The following HSPA4L variants were observed in gnomAD, a reference collection of about 807,000 sequenced individuals.
HSPA4L encodes heat shock 70 kDa protein 4L.
A neutral mutation model predicts 100.3 loss-of-function variants in HSPA4L; 48 were observed. The ratio of observed to expected loss-of-function variants is 0.48; its 90% CI spans 0.38 to 0.61. HSPA4L has a LOEUF of 0.61. Ranked by LOEUF, HSPA4L falls within the 20% of genes least tolerant of loss-of-function variation. The pLI is 0.00. For synonymous variants in HSPA4L, 319 were observed against 328.2 expected, an observed-to-expected ratio of 0.97 and a Z score of 0.30; for missense variants, 886 against 988.6, an observed-to-expected ratio of 0.90 and a Z score of 1.39.
At chr4:127,788,298 A>T (rs80239391) in intron 1 of HSPA4L, among the ~76,000 whole-genome samples, 3 of 152,192 alleles carry the variant, frequency 2.0e-5, no homozygotes, top group Non-Finnish European at 4.4e-5. Context: ...TTATTTGTCC[A>T]TAATGAAAAG....
rs1734173361 is a variant in HSPA4L, at chr4:127,835,101, G to A, written c.*2227G>A. The A allele has an allele frequency of 6.6e-6, 1 of 152,000 alleles. No individual in the cohort carries two copies. The highest frequency in any genetic ancestry group is 6.5e-5 in the Admixed American group (1 of 15,270). 9.4% of individuals were successfully genotyped at this position (152,000 alleles called of 1,614,324 possible). On this transcript the variant is annotated 3_prime_UTR_variant, in exon 19 of 19. Coordinates refer to ENST00000296464, the MANE Select transcript of HSPA4L (RefSeq NM_014278.4). ...AGCTTTGGGTAGACAGTCTAATTCA[G>A]TCCAATTTTAATCTGCATTAAAATA... is the stretch of plus-strand genomic sequence containing the variant.
intron 18 of HSPA4L, 140 bp downstream of exon 18, chr4:127,830,939 T>G (rs992047685): frequency 1.8e-6 from 1 of 568,350 alleles, no homozygotes; most frequent in Non-Finnish European, 2.8e-6. Context: ...GTTAAAAAAT[T>G]TTAAGATTTT....
chr4:127,822,771 G>C lies in HSPA4L; in HGVS notation c.1815G>C (p.Gly605=). 6.2e-7 allele frequency: 1 copy of C among 1,613,178 alleles called. No homozygotes were observed. Among genetic ancestry groups the C allele is most frequent in the Non-Finnish European group, 8.5e-7 (1 of 1,179,626 alleles). The change falls in exon 15 of 19, where the codon GGG becomes GGC. Residue 605 remains glycine (G), a splice_region_variant and synonymous_variant. Transcript: ENST00000296464. ...DLLNSYIENE[G]KMIMQDKLEK... ...CTAATCTGAAGCTTTTTGAATAGGGGAAGATGATCATGCAAGATAAGTTAG... is the reference window on the plus strand; with the variant it reads ...CTAATCTGAAGCTTTTTGAATAGGGCAAGATGATCATGCAAGATAAGTTAG...
In HSPA4L at chr4:127,832,673, A is replaced by G; in HGVS notation, c.2329-10A>G. ...TCGTTTTAATATAATCAATTTCTTC[A>G]TGTCTTTAGGAACTGGATAATTTCT... On this transcript the variant is annotated splice_polypyrimidine_tract_variant and intron_variant, in intron 18 of 18. Coordinates refer to ENST00000296464, the MANE Select transcript of HSPA4L (RefSeq NM_014278.4). 6.4e-7 allele frequency: 1 copy of G among 1,571,090 alleles called. No homozygotes were observed. Among genetic ancestry groups the G allele is most frequent in the Non-Finnish European group, 8.6e-7 (1 of 1,159,876 alleles).
intron 2 of HSPA4L, among the ~76,000 whole-genome samples, chr4:127,794,958 A>G (rs1173122313): frequency 6.6e-6 from 1 of 152,180 alleles, no homozygotes; most frequent in Non-Finnish European, 1.5e-5. Context: ...TAGTTAAAGA[A>G]AAAATTGCTT....
chr4:127,793,115 C>A (rs1166032187), intron 1 of HSPA4L, among the ~76,000 whole-genome samples: 4 of 152,094 alleles, frequency 2.6e-5, no homozygotes, highest in Non-Finnish European at 5.9e-5. Context: ...CAGAGAACAG[C>A]AGAGTTTCAT....
upstream of HSPA4L, chr4:127,782,056 G>A (rs1003728194): frequency 2.9e-5 from 13 of 455,126 alleles, no homozygotes; most frequent in Non-Finnish European, 5.7e-5. Flanking sequence ...GGGCGAGCAA[G>A]CCAATGTGCC....
intron 1 of HSPA4L, among the ~76,000 whole-genome samples, chr4:127,783,256 TA>T (rs1268878464): frequency 1.3e-5 from 2 of 150,486 alleles, no homozygotes; most frequent in Non-Finnish European, 2.9e-5. Flanking sequence ...GAACTGCAGG[TA>T]ATGGAGCCGG....
intron 1 of HSPA4L, among the ~76,000 whole-genome samples, chr4:127,785,459 C>T (rs1732690381): frequency 1.3e-5 from 2 of 149,292 alleles, no homozygotes; most frequent in South Asian, 4.2e-4. Context: ...TTTTTTAAGA[C>T]GTAGTCTTGC....
At chr4:127,808,611 G>A (rs1733430659) in intron 11 of HSPA4L, among the ~76,000 whole-genome samples, 1 of 152,128 alleles carries the variant, frequency 6.6e-6, no homozygotes, top group Non-Finnish European at 1.5e-5. Flanking sequence ...TTGAAGACTA[G>A]CCTGGGCAGT....
rs1278710931 is a variant in HSPA4L at position 127,813,177 on chromosome 4, C to A, written c.1578+1541C>A. The A allele has an allele frequency of 1.7e-5, 25 of 1,429,816 alleles. No homozygotes were observed. In the Admixed American group the frequency reaches 3.7e-4, roughly 21 times the overall value. 88.6% of individuals were successfully genotyped at this position (1,429,816 alleles called of 1,614,324 possible). A position where few individuals can be genotyped will look rare whatever the true frequency, so the allele number is the denominator to read the frequency against. ...TAGAGAACATATATCGGGTGCCTCT[C>A]CTCTTTCCCTTTGTGTTCGTCATTT... is the stretch of plus-strand genomic sequence containing the variant. On this transcript the variant is annotated intron_variant, in intron 12 of 18. Transcript: ENST00000296464.
intron 16 of HSPA4L, among the ~76,000 whole-genome samples, chr4:127,824,992 T>C (rs1733911386): frequency 6.6e-6 from 1 of 151,930 alleles, no homozygotes; most frequent in Non-Finnish European, 1.5e-5. Context: ...TACAAAAAAT[T>C]AGCTGAGCGT....
In HSPA4L at chr4:127,818,412, A is replaced by G; in HGVS notation, c.1666A>G (p.Lys556Glu). The stretch of plus-strand genomic sequence containing the variant: ...AGAGGAAATTGATCATACAGGAGCC[A>G]AAACAAAGGTTTGGTTTACTTTTTC... ...PEEEIDHTGA[K>E]TKSAVSDKQD... Residue 556 changes from lysine to glutamate, a missense_variant, in exon 13 of 19, where the codon AAA (lysine) becomes GAA (glutamate). Transcript: ENST00000296464. The G allele has an allele frequency of 6.3e-7, 1 of 1,595,888 alleles. No homozygotes were observed. The highest frequency in any genetic ancestry group is 2.2e-5 in the East Asian group (1 of 44,646).
chr4:127,821,515 A>T (rs888814496), intron 14 of HSPA4L, among the ~76,000 whole-genome samples: 3 of 152,128 alleles, frequency 2.0e-5, no homozygotes, highest in Non-Finnish European at 2.9e-5. Context: ...TTCATCATAA[A>T]CTAACATCTA....
chr4:127,826,765 CAG>C (rs1186485559), intron 16 of HSPA4L, among the ~76,000 whole-genome samples: 3 of 152,112 alleles, frequency 2.0e-5, no homozygotes, highest in Non-Finnish European at 4.4e-5. Context: ...CCCAAAACTA[CAG>C]AGTCTGTTTT....
intron 16 of HSPA4L, among the ~76,000 whole-genome samples, chr4:127,826,817 A>C (rs561421015): frequency 9.6e-4 from 146 of 152,280 alleles, no homozygotes; most frequent in Admixed American, 1.9e-3. Flanking sequence ...TGTAGGGGAA[A>C]AACCTACATA....
chr4:127,819,275 TGCCCCA>T (rs1007060289), intron 13 of HSPA4L, among the ~76,000 whole-genome samples: 3 of 152,180 alleles, frequency 2.0e-5, no homozygotes, highest in Admixed American at 6.5e-5. Context: ...GGAGAGGCCC[TGCCCCA>T]GTCACCCAGA....
chr4:127,795,346 G>GT (rs1398804800), intron 2 of HSPA4L, among the ~76,000 whole-genome samples: 9 of 152,126 alleles, frequency 5.9e-5, no homozygotes, highest in African/African-American at 1.9e-4. Context: ...AACTTTTTAA[G>GT]TGACAACATG....
In HSPA4L at chr4:127,836,889, ATTC is replaced by A. The variant is rs1734223725; in HGVS notation, c.*4018_*4020del. On this transcript the variant is annotated 3_prime_UTR_variant, in exon 19 of 19. Coordinates refer to ENST00000296464, the MANE Select transcript of HSPA4L (RefSeq NM_014278.4). The stretch of plus-strand genomic sequence containing the variant: ...TTTACAAATTATAGATTTAGAAATG[ATTC>A]TTAAGTTATTGGTAAAATATAACTT... The A allele has an allele frequency of 6.6e-6, 1 of 152,238 alleles. No homozygotes were observed. Among genetic ancestry groups the A allele is most frequent in the Admixed American group, 6.5e-5 (1 of 15,290 alleles). 9.4% of individuals were successfully genotyped at this position (152,238 alleles called of 1,614,324 possible).
Sources: allele counts gnomAD v4.1 joint callset (sites outside exome capture counted in the v4.1 genomes callset), GRCh38; gene constraint gnomAD v4.1.1; transcripts MANE v1.5; gene names NCBI Gene and HGNC (gene_info 2026-07-23, HGNC 2026-07-21).